PCSK5: variants seen among roughly 807,000 people sequenced by gnomAD.
PCSK5 encodes the protein proprotein convertase subtilisin/kexin type 5.
Under a neutral mutation model 233.2 loss-of-function variants are expected in PCSK5, and 129 were observed. The ratio of observed to expected loss-of-function variants is 0.55; its 90% CI spans 0.48 to 0.64. The LOEUF is 0.64. Among genes scored for constraint, PCSK5 ranks in the 30% least tolerant of loss-of-function variants. PCSK5 has a pLI of 0.00. For synonymous variants in PCSK5, 825 were observed against 879.2 expected (o/e 0.94, Z 1.09); for missense variants, 2,076 against 2,430.1 (o/e 0.85, Z 3.06).
At chr9:75,894,783 C>A (rs952183307) in intron 1 of PCSK5, among the ~76,000 whole-genome samples, 1 of 152,080 alleles carries the variant, frequency 6.6e-6, no homozygotes, top group Non-Finnish European at 1.5e-5. Context: ...GAGGGAGAAG[C>A]CTTTGTCCTC....
chr9:76,189,146 T>C lies in PCSK5; in HGVS notation c.2433T>C (p.Asp811=). 2 of 1,612,976 alleles carry C rather than the reference T, an allele frequency of 1.2e-6. No homozygotes were observed. Among genetic ancestry groups the C allele is most frequent in the Non-Finnish European group, 1.7e-6 (2 of 1,179,234 alleles). The change falls in exon 19 of 38, where the codon GAT becomes GAC. Residue 811 remains aspartate (D), a synonymous_variant. Coordinates refer to ENST00000674117, the MANE Select transcript of PCSK5 (RefSeq NM_001372043.1). ...INCTEGYFME[D]GRCVQSCSIS... is the part of the protein sequence containing the mutation. ...GCACAGAGGGCTACTTCATGGAGGA[T>C]GGGAGATGCGTGCAGAGCTGTAGTA...
chr9:75,917,326 A>G (rs1433899146), intron 1 of PCSK5, among the ~76,000 whole-genome samples: 2 of 152,234 alleles, frequency 1.3e-5, no homozygotes, highest in Non-Finnish European at 2.9e-5. Context: ...GCAATCACGT[A>G]TGATGCTGAA....
chr9:75,987,745 G>A (rs1826583865), intron 3 of PCSK5, among the ~76,000 whole-genome samples: 1 of 152,218 alleles, frequency 6.6e-6, no homozygotes, highest in African/African-American at 2.4e-5. Context: ...CCCAAGGGAA[G>A]GCATTGGAGT....
At chr9:76,284,642 C>T (rs1828001096) in intron 24 of PCSK5, among the ~76,000 whole-genome samples, 1 of 150,700 alleles carries the variant, frequency 6.6e-6, no homozygotes, top group South Asian at 2.1e-4. Flanking sequence ...AAGTGATTCT[C>T]CTGCCTCAAC....
At chr9:75,976,717 A>T (rs1429183520) in intron 2 of PCSK5, among the ~76,000 whole-genome samples, 4 of 151,094 alleles carry the variant, frequency 2.6e-5, no homozygotes, top group Admixed American at 2.6e-4. Flanking sequence ...TACTTTATTC[A>T]ATATTTATGT....
chr9:76,136,688 C>T (rs1039167572), intron 10 of PCSK5, among the ~76,000 whole-genome samples: 29 of 151,820 alleles, frequency 1.9e-4, no homozygotes, highest in African/African-American at 6.3e-4. Context: ...TTTGTTTTCC[C>T]AGTGTTGAGT....
chr9:76,272,114 G>A (rs1359130653), intron 24 of PCSK5, among the ~76,000 whole-genome samples: 2 of 152,262 alleles, frequency 1.3e-5, no homozygotes, highest in South Asian at 4.1e-4. Flanking sequence ...TGTACTTAGA[G>A]TACTATGAGT....
intron 7 of PCSK5, among the ~76,000 whole-genome samples, chr9:76,093,431 A>G (rs1831380636): frequency 6.6e-6 from 1 of 152,008 alleles, no homozygotes; most frequent in African/African-American, 2.4e-5. Flanking sequence ...GTGCTATACC[A>G]TTTTGTATCC....
Position 76,309,137 on chromosome 9 carries a change from G to C in PCSK5, c.3688+409G>C, listed in dbSNP as rs145838967. On this transcript the variant is annotated intron_variant, in intron 29 of 37. Transcript: ENST00000674117. The stretch of plus-strand genomic sequence containing the variant: ...GGAGGCTGAAATGAAAGCATTGCTT[G>C]GTCCCAGGAGGTCAAGGCTGCAGTG... 1.0e-3 allele frequency among the ~76,000 whole-genome samples: 156 copies of C among 152,188 alleles called. 1 individual carries two copies. Among genetic ancestry groups the C allele is most frequent in the African/African-American group, 3.5e-3 (146 of 41,528 alleles).
In PCSK5 at chr9:76,071,890, G is replaced by A. The variant is rs200049619; in HGVS notation, c.886G>A (p.Val296Ile). Residue 296 changes from valine to isoleucine, a missense_variant, in exon 7 of 38, where the codon GTT (valine) becomes ATT (isoleucine). Val to Ile is a conservative substitution (Grantham distance 29). This residue lies in a region of PCSK5 where 178 missense variants were observed against 393.6 expected (regional missense o/e 0.45). Transcript: ENST00000674117. ...CACCCGGCAAGCCTTTGAAAACGGC[G>A]TTAGAATGGTAGGTTTTAAAAGCAT... is the stretch of plus-strand genomic sequence containing the variant. ...PLTRQAFENG[V>I]RMGRRGLGSV... The A allele has an allele frequency of 1.3e-5, 21 of 1,613,794 alleles. No individual in the cohort carries two copies. The highest frequency in any genetic ancestry group is 6.7e-5 in the East Asian group (3 of 44,890).
intron 20 of PCSK5, among the ~76,000 whole-genome samples, chr9:76,209,998 G>A (rs543177574): frequency 1.3e-5 from 2 of 152,264 alleles, no homozygotes; most frequent in East Asian, 3.9e-4. Context: ...TCAAATGGCT[G>A]TTCTAAGTGG....
intron 20 of PCSK5, among the ~76,000 whole-genome samples, chr9:76,198,351 CT>C: frequency 6.6e-6 from 1 of 152,182 alleles, no homozygotes; most frequent in South Asian, 2.1e-4. Flanking sequence ...AGATCTTTTA[CT>C]TTTTTCATTT....
chr9:75,992,404 A>G (rs1010293604), intron 3 of PCSK5, among the ~76,000 whole-genome samples: 5 of 152,260 alleles, frequency 3.3e-5, no homozygotes, highest in African/African-American at 1.2e-4. Context: ...ATGACAACTT[A>G]GAAATGACAC....
rs1241942781 is a variant in PCSK5 at position 76,358,523 on chromosome 9, C to T, written c.5265C>T (p.Ile1755=). Reference sequence around the variant, plus strand: ...GTCTTCTTCCAACAGACGAATGCATCCTTCGAACAAGCAAGGTTAGGCCTG... The same window carrying T: ...GTCTTCTTCCAACAGACGAATGCATTCTTCGAACAAGCAAGGTTAGGCCTG... ...CDCQDTTDEC[I]LRTSKVRPAT... The change falls in exon 38 of 38, where the codon ATC becomes ATT. Residue 1755 remains isoleucine, a synonymous_variant. Coordinates refer to ENST00000674117, the MANE Select transcript of PCSK5 (RefSeq NM_001372043.1). 3.7e-6 allele frequency: 6 copies of T among 1,608,824 alleles called. No homozygotes were observed. Among genetic ancestry groups the T allele is most frequent in the Non-Finnish European group, 5.1e-6 (6 of 1,176,492 alleles).
chr9:76,210,487 G>T (rs997133103), intron 20 of PCSK5, among the ~76,000 whole-genome samples: 3 of 152,206 alleles, frequency 2.0e-5, no homozygotes, highest in African/African-American at 7.2e-5. Context: ...TCTGCATATG[G>T]ATGTGATGAG....
chr9:75,976,553 A>T (rs571115236), intron 2 of PCSK5, among the ~76,000 whole-genome samples: 142 of 152,138 alleles, frequency 9.3e-4, no homozygotes, highest in Non-Finnish European at 1.5e-3. Context: ...TGGAAAAATG[A>T]GCCTGAAGTC....
chr9:75,901,985 G>T (rs1826057768), intron 1 of PCSK5, among the ~76,000 whole-genome samples: 1 of 152,186 alleles, frequency 6.6e-6, no homozygotes, highest in Non-Finnish European at 1.5e-5. Context: ...GGAGGCCAAG[G>T]CGGGCAGATT....
rs529084944 is a variant in PCSK5, at chr9:76,253,190, A to T, written c.3142+12506A>T. Reference sequence around the variant, plus strand: ...TAGTGCATGACCCAGGGAGTTACTGACCATCGTCTCCATGGGCAGATGGGG... The same window carrying T: ...TAGTGCATGACCCAGGGAGTTACTGTCCATCGTCTCCATGGGCAGATGGGG... On this transcript the variant is annotated intron_variant, in intron 24 of 37. Coordinates refer to ENST00000674117, the MANE Select transcript of PCSK5 (RefSeq NM_001372043.1). Among the ~76,000 whole-genome samples the T allele has an allele frequency of 3.3e-5, 5 of 151,578 alleles. No homozygotes were observed. In the South Asian group the frequency reaches 1.0e-3, roughly 32 times the overall value.
chr9:76,266,764 T>C (rs1209967718), intron 24 of PCSK5, among the ~76,000 whole-genome samples: 1 of 152,168 alleles, frequency 6.6e-6, no homozygotes, highest in Non-Finnish European at 1.5e-5. Flanking sequence ...GATGTATCAA[T>C]GGCTTTCCTA....
Sources: allele counts gnomAD v4.1 joint callset (sites outside exome capture counted in the v4.1 genomes callset), GRCh38; gene constraint gnomAD v4.1.1; regional missense constraint gnomAD v4.1.1; transcripts MANE v1.5; gene names NCBI Gene and HGNC (gene_info 2026-07-23, HGNC 2026-07-21).